SLC49A4: variants seen among roughly 807,000 people sequenced by gnomAD.
SLC49A4 encodes disrupted in renal cancer protein 2.
In SLC49A4, 36 loss-of-function variants were observed where a neutral mutation model predicts 50.6. The ratio of observed to expected loss-of-function variants is 0.71; its 90% CI spans 0.55 to 0.94. The LOEUF is 0.94. Ranked by LOEUF, SLC49A4 falls within the 40% of genes least tolerant of loss-of-function variation. The pLI is 0.00. For synonymous variants in SLC49A4, 248 were observed against 241.2 expected (o/e 1.03, Z -0.26); for missense variants, 503 against 605.7 (o/e 0.83, Z 1.78).
intron 4 of SLC49A4, among the ~76,000 whole-genome samples, 156 bp from the exon 5 acceptor site, chr3:122,845,607 G>GT (rs35604258): frequency 0.25 from 24,477 of 97,096 alleles, 3,320 homozygotes; most frequent in East Asian, 0.52. Context: ...TTTCCAGCAC[G>GT]TTTTTTTTTT....
chr3:122,803,884 C>T (rs1053703437), intron 1 of SLC49A4, among the ~76,000 whole-genome samples: 11 of 152,158 alleles, frequency 7.2e-5, no homozygotes, highest in African/African-American at 2.7e-4. Flanking sequence ...TTTTTATTTT[C>T]AATGATGTTT....
intron 2 of SLC49A4, 105 bp from the exon 3 acceptor site, chr3:122,826,695 G>A: frequency 9.0e-7 from 1 of 1,114,926 alleles, no homozygotes; most frequent in Non-Finnish European, 1.3e-6. Context: ...TTACAGATAT[G>A]TATACTTATT....
At chr3:122,859,362 TC>T (rs1279839333) in intron 6 of SLC49A4, among the ~76,000 whole-genome samples, 3 of 152,174 alleles carry the variant, frequency 2.0e-5, no homozygotes, top group African/African-American at 7.2e-5. Context: ...AGGCAGCAGG[TC>T]ACATAGGACC....
rs577534170 is a variant in SLC49A4 at position 122,829,871 on chromosome 3, A to G, written c.703+2806A>G. 2.0e-5 allele frequency among the ~76,000 whole-genome samples: 3 copies of G among 152,370 alleles called. No individual in the cohort carries two copies. The East Asian group carries it at 5.8e-4, about 29-fold the overall frequency. On this transcript the variant is annotated intron_variant, in intron 3 of 8. Coordinates refer to ENST00000261038, the MANE Select transcript of SLC49A4 (RefSeq NM_032839.3). The stretch of plus-strand genomic sequence containing the variant: ...TCTAGGCAGTATCACTGAACAAGAA[A>G]AGCAAAAGATATCCAGATTGTAAGG...
At chr3:122,873,835 T>C (rs1937226889) in intron 8 of SLC49A4, among the ~76,000 whole-genome samples, 2 of 152,232 alleles carry the variant, frequency 1.3e-5, no homozygotes, top group Admixed American at 1.3e-4. Context: ...TCATTACATA[T>C]CAGCTTTAAT....
At position 122,795,450 on chromosome 3, in the gene SLC49A4, C is replaced by G; in HGVS notation, c.258C>G (p.Ser86=). ...QNSARQAYGF[S]SWDIALLVLW... is the part of the protein sequence containing the mutation. ...CGGCGCGCCAGGCCTACGGCTTCTC[C>G]AGCTGGGACATCGCGCTGCTCGTGC... Residue 86 remains serine (S), a synonymous_variant, in exon 1 of 9, where the codon TCC becomes TCG. Transcript: ENST00000261038. 6.2e-7 allele frequency: 1 copy of G among 1,607,466 alleles called. No homozygotes were observed. The highest frequency in any genetic ancestry group is 1.7e-5 in the Admixed American group (1 of 59,824).
chr3:122,861,526 A>G (rs1251534034), intron 7 of SLC49A4, among the ~76,000 whole-genome samples: 1 of 152,240 alleles, frequency 6.6e-6, no homozygotes, highest in Admixed American at 6.5e-5. Flanking sequence ...AGAAATAAAT[A>G]AGAGTCTGAA....
rs1305405039 is a variant in SLC49A4, at chr3:122,826,928, T to G, written c.566T>G (p.Leu189Arg). The G allele has an allele frequency of 6.2e-7, 1 of 1,614,210 alleles. No individual in the cohort carries two copies. ...ACAGCCACAGCTATTGCATCAATGC[T>G]CAGTTATCTTGGGGGAGCATGTGCA... The part of the protein sequence containing the change: ...RATATAIASM[L>R]SYLGGACAFL... Residue 189 changes from leucine to arginine, a missense_variant, in exon 3 of 9, where the codon CTC (leucine) becomes CGC (arginine). Leu to Arg is a moderately radical substitution (Grantham distance 102). Coordinates refer to ENST00000261038, the MANE Select transcript of SLC49A4 (RefSeq NM_032839.3).
chr3:122,868,302 G>C (rs1937148236), intron 7 of SLC49A4, among the ~76,000 whole-genome samples: 1 of 152,000 alleles, frequency 6.6e-6, no homozygotes, highest in Admixed American at 6.6e-5. Flanking sequence ...TTTAAAGTGT[G>C]GGCCCATGAA....
At chr3:122,816,291 C>A (rs1272124293) in intron 2 of SLC49A4, among the ~76,000 whole-genome samples, 6 of 152,146 alleles carry the variant, frequency 3.9e-5, no homozygotes, top group Admixed American at 2.6e-4. Flanking sequence ...GAGAAACTCC[C>A]TTAGCAGAGC....
intron 2 of SLC49A4, among the ~76,000 whole-genome samples, chr3:122,816,068 G>T (rs1434313520): frequency 6.6e-6 from 1 of 152,052 alleles, no homozygotes; most frequent in African/African-American, 2.4e-5. Flanking sequence ...TTACCAGCTT[G>T]GGTACCCATC....
intron 2 of SLC49A4, among the ~76,000 whole-genome samples, chr3:122,813,740 A>G (rs910260396): frequency 1.1e-4 from 17 of 152,342 alleles, no homozygotes; most frequent in African/African-American, 3.6e-4. Context: ...AATATGCTAG[A>G]GGCAGATGTT....
rs572267727 is a variant in SLC49A4, at chr3:122,827,388, G to A, written c.703+323G>A. Among the ~76,000 whole-genome samples, 332 of 152,190 alleles carry A rather than the reference G, an allele frequency of 2.2e-3. 2 individuals are homozygous for A. Among genetic ancestry groups the A allele is most frequent in the African/African-American group, 7.2e-3 (300 of 41,518 alleles). On this transcript the variant is annotated intron_variant, in intron 3 of 8. Coordinates refer to ENST00000261038, the MANE Select transcript of SLC49A4 (RefSeq NM_032839.3). ...TAGATATCTTATCAGGATATAAAAC[G>A]TCATGACTGACAATAACCTTTTGTT...
At chr3:122,858,196 G>T (rs1031820510) in intron 6 of SLC49A4, among the ~76,000 whole-genome samples, 1 of 152,142 alleles carries the variant, frequency 6.6e-6, no homozygotes, top group African/African-American at 2.4e-5. Context: ...CACTTCAATG[G>T]TATCAGCCTA....
At chr3:122,849,830 T>C (rs1025637586) in intron 5 of SLC49A4, among the ~76,000 whole-genome samples, 3 of 152,174 alleles carry the variant, frequency 2.0e-5, no homozygotes, top group Admixed American at 2.0e-4. Context: ...TTTAGCTTTA[T>C]GTAATCCCAT....
At chr3:122,869,520 A>AT (rs1331177106) in intron 7 of SLC49A4, among the ~76,000 whole-genome samples, 2 of 151,872 alleles carry the variant, frequency 1.3e-5, no homozygotes, top group Non-Finnish European at 2.9e-5. Flanking sequence ...TTCACACTGT[A>AT]TTTTTTTGGA....
chr3:122,839,875 A>G (rs991820498), intron 4 of SLC49A4, among the ~76,000 whole-genome samples: 1 of 152,212 alleles, frequency 6.6e-6, no homozygotes, highest in Non-Finnish European at 1.5e-5. Context: ...CAACCCAGCA[A>G]TCCCACTACT....
chr3:122,866,324 G>A (rs575659474), intron 7 of SLC49A4, among the ~76,000 whole-genome samples: 27 of 151,284 alleles, frequency 1.8e-4, no homozygotes, highest in African/African-American at 6.3e-4. Flanking sequence ...TTGCAGATGT[G>A]AGCCCCATGC....
At chr3:122,802,743 A>C (rs1361740327) in intron 1 of SLC49A4, among the ~76,000 whole-genome samples, 1 of 152,244 alleles carries the variant, frequency 6.6e-6, no homozygotes, top group African/African-American at 2.4e-5. Context: ...AAGACGAAAA[A>C]TATAATCAAT....
Sources: allele counts gnomAD v4.1 joint callset (sites outside exome capture counted in the v4.1 genomes callset), GRCh38; gene constraint gnomAD v4.1.1; transcripts MANE v1.5; gene names NCBI Gene and HGNC (gene_info 2026-07-23, HGNC 2026-07-21).